The following AKAP6 variants were observed in gnomAD, a reference collection of about 807,000 sequenced individuals.
AKAP6 encodes A-kinase anchor protein 6.
A neutral mutation model predicts 188.5 loss-of-function variants in AKAP6; 58 were observed. That is an observed-to-expected ratio of 0.31 (90% CI 0.25 to 0.38). AKAP6 has a LOEUF of 0.38. Among genes scored for constraint, AKAP6 ranks in the 10% least tolerant of loss-of-function variants. The pLI is 1.00. For synonymous variants in AKAP6, 989 were observed against 998.6 expected (o/e 0.99, Z 0.18); for missense variants, 2,710 against 2,740.0 (o/e 0.99, Z 0.24).
intron 7 of AKAP6, among the ~76,000 whole-genome samples, chr14:32,611,902 G>A (rs112390828): frequency 0.018 from 2,747 of 152,286 alleles, 37 homozygotes; most frequent in Non-Finnish European, 0.03. Flanking sequence ...CAGTGGATCT[G>A]TGATTTTCAG....
intron 2 of AKAP6, among the ~76,000 whole-genome samples, chr14:32,459,465 T>C (rs903260224): frequency 6.6e-6 from 1 of 151,966 alleles, no homozygotes; most frequent in African/African-American, 2.4e-5. Flanking sequence ...ATTCAACACA[T>C]ACATAATAGA....
intron 1 of AKAP6, among the ~76,000 whole-genome samples, chr14:32,364,231 T>A (rs1400784571): frequency 6.6e-6 from 1 of 152,210 alleles, no homozygotes; most frequent in Non-Finnish European, 1.5e-5. Context: ...AATAAATTGA[T>A]GTCAAAAATG....
At chr14:32,687,378 T>C (rs1204400019) in intron 8 of AKAP6, among the ~76,000 whole-genome samples, 1 of 151,052 alleles carries the variant, frequency 6.6e-6, no homozygotes, top group African/African-American at 2.4e-5. Context: ...TGCCAAAATA[T>C]TCATGCTCTG....
chr14:32,820,129 A>G (rs934178265), intron 12 of AKAP6, among the ~76,000 whole-genome samples: 1 of 152,066 alleles, frequency 6.6e-6, no homozygotes, highest in African/African-American at 2.4e-5. Context: ...GTCCAAGGTC[A>G]TGCATATGGT....
intron 2 of AKAP6, among the ~76,000 whole-genome samples, chr14:32,476,821 A>G (rs918025788): frequency 2.8e-4 from 43 of 152,226 alleles, no homozygotes; most frequent in African/African-American, 1.0e-3. Flanking sequence ...CTTAAGACCC[A>G]GCCTCCACAG....
chr14:32,422,718 A>T (rs1441588103), intron 1 of AKAP6, among the ~76,000 whole-genome samples: 1 of 152,092 alleles, frequency 6.6e-6, no homozygotes, highest in African/African-American at 2.4e-5. Flanking sequence ...TACACTTATC[A>T]GGTATAGTCT....
intron 11 of AKAP6, among the ~76,000 whole-genome samples, chr14:32,764,335 G>C (rs946299570): frequency 6.6e-6 from 1 of 152,138 alleles, no homozygotes; most frequent in Non-Finnish European, 1.5e-5. Flanking sequence ...CTTAAATTCT[G>C]TATAGATTAC....
At chr14:32,628,357 G>A (rs1260478166) in intron 7 of AKAP6, among the ~76,000 whole-genome samples, 4 of 151,606 alleles carry the variant, frequency 2.6e-5, no homozygotes, top group Middle Eastern at 3.4e-3. Context: ...TTCTACAGTC[G>A]GGCACCAAGA....
At chr14:32,509,826 T>C (rs1289623470) in intron 2 of AKAP6, among the ~76,000 whole-genome samples, 2 of 152,158 alleles carry the variant, frequency 1.3e-5, no homozygotes, top group Non-Finnish European at 2.9e-5. Flanking sequence ...CTCTGCTGGC[T>C]GTTTATAGTC....
At chr14:32,624,284 C>G (rs2139429799) in intron 7 of AKAP6, among the ~76,000 whole-genome samples, 1 of 152,180 alleles carries the variant, frequency 6.6e-6, no homozygotes, top group South Asian at 2.1e-4. Context: ...ATGTGCTGTT[C>G]AAGAAAAATA....
chr14:32,723,201 T>G (rs2030647445), intron 9 of AKAP6, among the ~76,000 whole-genome samples: 1 of 152,172 alleles, frequency 6.6e-6, no homozygotes, highest in Non-Finnish European at 1.5e-5. Context: ...ACATCTACCT[T>G]CTATTGTCTG....
At chr14:32,786,460 A>G (rs1397183268) in intron 12 of AKAP6, among the ~76,000 whole-genome samples, 3 of 149,122 alleles carry the variant, frequency 2.0e-5, no homozygotes, top group Non-Finnish European at 4.5e-5. Flanking sequence ...GGCGCCCACC[A>G]CCACGCCCGG....
chr14:32,724,069 C>G (rs529994362), intron 9 of AKAP6, among the ~76,000 whole-genome samples: 2 of 24,210 alleles, frequency 8.3e-5, no homozygotes, highest in South Asian at 6.1e-3. Flanking sequence ...TTTTTTTCTT[C>G]TTCTTCTTCT....
Position 32,786,302 on chromosome 14 carries a change from T to G in AKAP6, c.3588+12409T>G, listed in dbSNP as rs796967575. ...CTGAAAGACCTAAACCTTTATCTTTTTTTTTTTTTTTTTTTTTTTTTTTGA... is the reference window on the plus strand; with the variant it reads ...CTGAAAGACCTAAACCTTTATCTTTGTTTTTTTTTTTTTTTTTTTTTTTGA... On this transcript the variant is annotated intron_variant, in intron 12 of 13. Transcript: ENST00000280979. Among the ~76,000 whole-genome samples, 35 of 72,382 alleles carry G rather than the reference T, an allele frequency of 4.8e-4. 7 individuals are homozygous for G. The highest frequency in any genetic ancestry group is 1.7e-3 in the South Asian group (3 of 1,750). The allele number at this position is 72,382 out of a possible 152,430, so 47.5% of individuals were successfully genotyped here. A position where few individuals can be genotyped will look rare whatever the true frequency, so the allele number is the denominator to read the frequency against.
At chr14:32,368,560 A>C (rs893483789) in intron 1 of AKAP6, among the ~76,000 whole-genome samples, 1 of 152,046 alleles carries the variant, frequency 6.6e-6, no homozygotes, top group Non-Finnish European at 1.5e-5. Flanking sequence ...GATTAGGGGG[A>C]TACTAGAGGT....
chr14:32,402,364 A>T (rs1889124333), intron 1 of AKAP6, among the ~76,000 whole-genome samples: 1 of 152,234 alleles, frequency 6.6e-6, no homozygotes, highest in African/African-American at 2.4e-5. Context: ...GTTAACATAC[A>T]GCATTTTTCC....
chr14:32,591,537 G>A (rs1885485753), intron 5 of AKAP6, among the ~76,000 whole-genome samples: 2 of 151,112 alleles, frequency 1.3e-5, no homozygotes, highest in South Asian at 4.2e-4. Context: ...TGTTTGAAGA[G>A]CTAAATTCAC....
chr14:32,807,416 A>G (rs2034119240), intron 12 of AKAP6, among the ~76,000 whole-genome samples: 1 of 152,160 alleles, frequency 6.6e-6, no homozygotes, highest in Non-Finnish European at 1.5e-5. Flanking sequence ...AAGAGAAAAT[A>G]TCCACTGAAA....
rs1398005915 is a variant in AKAP6 at position 32,433,795 on chromosome 14, A to G, written c.302A>G (p.Asp101Gly). 1 of 1,613,612 alleles carries G rather than the reference A, an allele frequency of 6.2e-7. No individual in the cohort carries two copies. Among genetic ancestry groups the G allele is most frequent in the Non-Finnish European group, 8.5e-7 (1 of 1,179,936 alleles). The change falls in exon 2 of 14, where the codon GAT (aspartate) becomes GGT (glycine). Residue 101 changes from aspartate (D) to glycine (G), a missense_variant. Physicochemically the swap from Asp to Gly is moderately conservative, Grantham distance 94. Transcript: ENST00000280979. ...CAGGATTCGGACAGCAAGCATGTGG[A>G]TGTACATCTAGTTCAACTAAAGGTA... ...VQQDSDSKHV[D>G]VHLVQLKDIC...
Sources: allele counts gnomAD v4.1 joint callset (sites outside exome capture counted in the v4.1 genomes callset), GRCh38; gene constraint gnomAD v4.1.1; transcripts MANE v1.5; gene names NCBI Gene and HGNC (gene_info 2026-07-23, HGNC 2026-07-21).